Variants in NPM1 observed in about 807,000 individuals in gnomAD.
NPM1 encodes nucleophosmin.
A neutral mutation model predicts 44.1 loss-of-function variants in NPM1; 1 was observed. The ratio of observed to expected loss-of-function variants is 0.02; its 90% CI spans 0.01 to 0.11. NPM1 has a LOEUF of 0.11. NPM1 is among the 10% of genes least tolerant of loss of function. The pLI is 1.00. For synonymous variants in NPM1, 126 were observed against 111.8 expected (o/e 1.13, Z -0.80); for missense variants, 197 against 347.8 (o/e 0.57, Z 3.45).
chr5:171,407,813 T>C, intron 10 of NPM1, 39 bp downstream of exon 10: 1 of 1,283,112 alleles, frequency 7.8e-7, no homozygotes, highest in Non-Finnish European at 1.1e-6. Flanking sequence ...AATCCAAGTT[T>C]TTTTGTGATT....
intron 10 of NPM1, among the ~76,000 whole-genome samples, chr5:171,409,278 C>T (rs1028067956): frequency 6.6e-5 from 10 of 152,104 alleles, no homozygotes; most frequent in Admixed American, 3.9e-4. Context: ...ATGCAAGCAA[C>T]GACAATGTAT....
At chr5:171,392,632 G>C in intron 4 of NPM1, 78 bp from the exon 5 acceptor site, 1 of 773,952 alleles carries the variant, frequency 1.3e-6, no homozygotes, top group Non-Finnish European at 2.0e-6. Context: ...AGTTTTTAGA[G>C]TATTTACTAT....
At chr5:171,390,619 A>G (rs1461692059) in intron 2 of NPM1, among the ~76,000 whole-genome samples, 1 of 152,224 alleles carries the variant, frequency 6.6e-6, no homozygotes, top group South Asian at 2.1e-4. Flanking sequence ...GTTTTTTAAA[A>G]AAATCACAGT....
At chr5:171,407,893 T>C (rs1771653818) in intron 10 of NPM1, 119 bp downstream of exon 10, 3 of 637,562 alleles carry the variant, frequency 4.7e-6, no homozygotes, top group Admixed American at 6.2e-5. Context: ...ACAGATAATA[T>C]TTCATTTAAT....
chr5:171,393,052 A>G (rs1770672715), intron 6 of NPM1, 74 bp downstream of exon 6: 11 of 1,521,338 alleles, frequency 7.2e-6, no homozygotes, highest in African/African-American at 1.4e-5. Flanking sequence ...AGTTATATGC[A>G]TGAGGGTTTT....
chr5:171,403,779 AGAGGG>A (rs1771393083), intron 8 of NPM1, among the ~76,000 whole-genome samples: 1 of 97,300 alleles, frequency 1.0e-5, no homozygotes, highest in East Asian at 3.6e-4. Context: ...CTGGCCGGGC[AGAGGG>A]GCTCCTCACT....
At chr5:171,399,391 G>A (rs934430916) in intron 6 of NPM1, among the ~76,000 whole-genome samples, 7 of 152,072 alleles carry the variant, frequency 4.6e-5, no homozygotes, top group East Asian at 3.9e-4. Context: ...GACTACAGGC[G>A]CACACCACCA....
chr5:171,407,604 C>A, intron 9 of NPM1, 96 bp from the exon 10 acceptor site: 3 of 745,414 alleles, frequency 4.0e-6, no homozygotes, highest in South Asian at 1.5e-5. Flanking sequence ...ATAAACTGAT[C>A]CATGTAGTAG....
rs542259785 is a variant in NPM1 at position 171,401,351 on chromosome 5, C to CAAA, written c.669+435_669+437dup. Among the ~76,000 whole-genome samples, 217 of 143,138 alleles carry CAAA rather than the reference C, an allele frequency of 1.5e-3. 2 individuals are homozygous for CAAA. The highest frequency in any genetic ancestry group is 5.2e-3 in the African/African-American group (204 of 38,968). 93.9% of individuals were successfully genotyped at this position (143,138 alleles called of 152,430 possible). A position where few individuals can be genotyped will look rare whatever the true frequency, so the allele number is the denominator to read the frequency against. ...GGGCAAAAGAGCGAGACTCCGCCTCCAAAAAAAAAAATCAGCTTGTTGTGT... is the reference window on the plus strand; with the variant it reads ...GGGCAAAAGAGCGAGACTCCGCCTCCAAAAAAAAAAAAAATCAGCTTGTTGTGT... On this transcript the variant is annotated intron_variant, in intron 8 of 10. Transcript: ENST00000296930.
intron 9 of NPM1, chr5:171,407,368 G>A (rs1771626040): frequency 3.4e-6 from 1 of 295,434 alleles, no homozygotes. Context: ...ATTTGGTTCT[G>A]GGTGATAACC....
At chr5:171,387,500 C>CTAACT, upstream of NPM1, 1 of 200,480 alleles carries the variant, frequency 5.0e-6, no homozygotes, top group Non-Finnish European at 1.0e-5. Context: ...CGCCATTTTG[C>CTAACT]AGGGTGGGCT....
intron 10 of NPM1, among the ~76,000 whole-genome samples, chr5:171,410,037 C>CT (rs2113298717): frequency 6.6e-6 from 1 of 152,026 alleles, no homozygotes; most frequent in African/African-American, 2.4e-5. Context: ...CTGAAGTGAT[C>CT]TGCCCGCCTC....
intron 6 of NPM1, among the ~76,000 whole-genome samples, chr5:171,395,175 C>T (rs1192709594): frequency 6.6e-6 from 1 of 152,102 alleles, no homozygotes; most frequent in Non-Finnish European, 1.5e-5. Flanking sequence ...GGGAGACTCC[C>T]ATCTCAGAAA....
At chr5:171,397,361 C>T (rs2113212568) in intron 6 of NPM1, among the ~76,000 whole-genome samples, 1 of 152,164 alleles carries the variant, frequency 6.6e-6, no homozygotes, top group East Asian at 1.9e-4. Context: ...CTTGGATGTA[C>T]ACCTAAAGCA....
At chr5:171,388,610 T>C (rs1416542572) in intron 1 of NPM1, among the ~76,000 whole-genome samples, 1 of 143,194 alleles carries the variant, frequency 7.0e-6, no homozygotes, top group African/African-American at 2.6e-5. Context: ...GGGAGGGGGG[T>C]GTGGGCGCTA....
intron 9 of NPM1, chr5:171,405,665 C>T (rs1256924312): frequency 4.8e-6 from 2 of 413,282 alleles, no homozygotes; most frequent in East Asian, 5.2e-5. Context: ...AACATTCTGA[C>T]CTTCCATGTT....
intron 6 of NPM1, among the ~76,000 whole-genome samples, chr5:171,398,073 C>T (rs1282037253): frequency 6.6e-6 from 1 of 152,114 alleles, no homozygotes; most frequent in Non-Finnish European, 1.5e-5. Context: ...AGGCGTGAGC[C>T]ACTGCACTGG....
At position 171,391,373 on chromosome 5, in the gene NPM1, C is replaced by G. The variant is rs11551572; in HGVS notation, c.207C>G (p.Gly69=). The G allele has an allele frequency of 1.2e-6, 2 of 1,611,940 alleles. No individual in the cohort carries two copies. The part of the protein sequence containing the change: ...IVEAEAMNYE[G]SPIKVTLATL... The stretch of plus-strand genomic sequence containing the variant: ...AAGCAGAGGCAATGAATTACGAAGG[C>G]AGTCCAATTAAAGTAACACTGGCAA... Residue 69 remains glycine, a synonymous_variant, in exon 3 of 11, where the codon GGC becomes GGG. Transcript: ENST00000296930.
intron 6 of NPM1, among the ~76,000 whole-genome samples, chr5:171,395,074 G>T (rs1199941113): frequency 2.0e-5 from 3 of 152,108 alleles, no homozygotes; most frequent in Non-Finnish European, 4.4e-5. Flanking sequence ...CAGTTACTTA[G>T]GAGGTTGAGT....
Sources: gnomAD v4.1 joint callset for allele counts (sites outside exome capture counted in the v4.1 genomes callset) on GRCh38, gnomAD v4.1.1 for gene constraint, MANE v1.5 for transcripts, NCBI Gene and HGNC (gene_info 2026-07-23, HGNC 2026-07-21) for gene names.